Variants in OR51V1 observed in about 807,000 individuals in gnomAD.
The protein encoded by OR51V1 is olfactory receptor family 51 subfamily V member 1, also known as olfactory receptor 51V1.
A neutral mutation model predicts 16.3 loss-of-function variants in OR51V1; 16 were observed. The ratio of observed to expected loss-of-function variants is 0.98; its 90% CI spans 0.67 to 1.49. OR51V1 has a LOEUF of 1.49. Among genes scored for constraint, OR51V1 ranks in the 40% most tolerant of loss-of-function variants. The pLI, the probability that OR51V1 is intolerant of heterozygous loss-of-function variation, is 0.00. For synonymous variants in OR51V1, 189 were observed against 142.2 expected (o/e 1.33, Z -2.34); for missense variants, 469 against 380.4 (o/e 1.23, Z -1.94).
chr11:5,199,848 T>C lies in OR51V1; in HGVS notation c.835A>G (p.Ile279Val), dbSNP rs575506056. 15 of 1,614,120 alleles carry C rather than the reference T, an allele frequency of 9.3e-6. No individual in the cohort carries two copies. In the African/African-American group the frequency reaches 1.7e-4, roughly 19 times the overall value. Reference protein sequence around the residue: ...KHLSPVAHVLIGNIYILFPPL... With the variant: ...KHLSPVAHVLVGNIYILFPPL... ...GGGAAAAGGATGTAGATGTTGCCAA[T>C]GAGAACGTGGGCCACGGGGGAAAGG... The change falls in exon 1 of 1, where the codon ATT (isoleucine) becomes GTT (valine). Residue 279 changes from isoleucine (I) to valine (V), a missense_variant. Coordinates refer to ENST00000641270, the MANE Select transcript of OR51V1 (RefSeq NM_001004760.3).
rs568518358 is a variant in OR51V1, at chr11:5,200,492, T to A, written c.191A>T (p.Tyr64Phe). ...AGTGAGGGCCAGCATGGACAGGAAG[T>A]AAAACATAGGCTGGTGCAGGCTTGG... ...TEPSLHQPMFYFLSMLALTDL... is the reference protein window; with the variant it reads ...TEPSLHQPMFFFLSMLALTDL... The change falls in exon 1 of 1, where the codon TAC becomes TTC. Residue 64 changes from tyrosine to phenylalanine, a missense_variant. Transcript: ENST00000641270. The A allele has an allele frequency of 3.1e-6, 5 of 1,613,654 alleles. No individual in the cohort carries two copies. In the South Asian group the frequency reaches 5.5e-5, roughly 18 times the overall value.
At position 5,200,196 on chromosome 11, in the gene OR51V1, TGGG is replaced by T. The variant is rs573294390; in HGVS notation, c.484_486del (p.Pro162del). The T allele has an allele frequency of 3.1e-6, 5 of 1,612,634 alleles. No homozygotes were observed. The highest frequency in any genetic ancestry group is 3.3e-5 in the Admixed American group (2 of 59,964). On this transcript the variant is annotated inframe_deletion, in exon 1 of 1. Coordinates refer to ENST00000641270, the MANE Select transcript of OR51V1 (RefSeq NM_001004760.3). ...TAATTAAAAAATTTCAGACAGATGA[TGGG>T]GGGTGTAATAAAGAAAAAACTCCTA...
rs750449378 is a variant in OR51V1 at position 5,200,041 on chromosome 11, A to G, written c.642T>C (p.Ala214=). Residue 214 remains alanine (A), a synonymous_variant, in exon 1 of 1, where the codon GCT becomes GCC. Transcript: ENST00000641270. ...GGATGTAGGAGAAAAGGATGAGTAT[A>G]GCATCCAACAACAGTATGCAAATAA... ...MLVICILLLD[A]ILILFSYILI... 1.4e-5 allele frequency: 22 copies of G among 1,609,132 alleles called. No homozygotes were observed. Among genetic ancestry groups the G allele is most frequent in the East Asian group, 2.2e-5 (1 of 44,876 alleles).
chr11:5,200,412 T>C lies in OR51V1; in HGVS notation c.271A>G (p.Ile91Val), dbSNP rs775611321. The C allele has an allele frequency of 2.5e-6, 4 of 1,613,730 alleles. No individual in the cohort carries two copies. In the Middle Eastern group the frequency reaches 4.9e-4, roughly 200 times the overall value. Residue 91 changes from isoleucine (I) to valine (V), a missense_variant, in exon 1 of 1, where the codon ATC becomes GTC. Ile to Val is a conservative substitution (Grantham distance 29). Transcript: ENST00000641270. ...GAATCCAAGCTGATCTCTCGAATGA[T>C]CCCCCACAGGATCCCCAGCACTGTG... ...VYTVLGILWG[I>V]IREISLDSCI... is the part of the protein sequence containing the mutation.
Position 5,200,486 on chromosome 11 carries a change from A to T in OR51V1, c.197T>A (p.Leu66Gln). Residue 66 changes from leucine to glutamine, a missense_variant, in exon 1 of 1, where the codon CTG becomes CAG. Transcript: ENST00000641270. ...PSLHQPMFYF[L>Q]SMLALTDLCM... ...CAGGTCAGTGAGGGCCAGCATGGAC[A>T]GGAAGTAAAACATAGGCTGGTGCAG... 6.2e-7 allele frequency: 1 copy of T among 1,613,910 alleles called. No homozygotes were observed. Among genetic ancestry groups the T allele is most frequent in the African/African-American group, 1.3e-5 (1 of 74,946 alleles).
Position 5,200,620 on chromosome 11 carries a change from A to G in OR51V1, c.63T>C (p.Ser21=), listed in dbSNP as rs1031847160. The G allele has an allele frequency of 1.2e-6, 2 of 1,613,016 alleles. No homozygotes were observed. The highest frequency in any genetic ancestry group is 2.2e-5 in the East Asian group (1 of 44,878). The part of the protein sequence containing the change: ...TNSSFLLTGF[S]GMEQQYPWLS... ...GCCAGGGGTATTGCTGCTCCATGCCAGAAAATCCAGTGAGAAGAAAGGAAG... is the reference window on the plus strand; with the variant it reads ...GCCAGGGGTATTGCTGCTCCATGCCGGAAAATCCAGTGAGAAGAAAGGAAG... Residue 21 remains serine, a synonymous_variant, in exon 1 of 1, where the codon TCT becomes TCC. Coordinates refer to ENST00000641270, the MANE Select transcript of OR51V1 (RefSeq NM_001004760.3).
rs766086459 is a variant in OR51V1, at chr11:5,200,081, T to A, written c.602A>T (p.Tyr201Phe). The A allele has an allele frequency of 6.2e-7, 1 of 1,613,548 alleles. No homozygotes were observed. The highest frequency in any genetic ancestry group is 8.5e-7 in the Non-Finnish European group (1 of 1,179,504). ...TATGCAAATAACCAGCATCAGGGCA[T>A]AGTAACTATTGAATCGGATGTCTGA... is the stretch of plus-strand genomic sequence containing the variant. The part of the protein sequence containing the change: ...ACSDIRFNSY[Y>F]ALMLVICILL... The change falls in exon 1 of 1, where the codon TAT (tyrosine) becomes TTT (phenylalanine). Residue 201 changes from tyrosine (Y) to phenylalanine (F), a missense_variant. Coordinates refer to ENST00000641270, the MANE Select transcript of OR51V1 (RefSeq NM_001004760.3).
Position 5,200,357 on chromosome 11 carries a change from C to A in OR51V1, c.326G>T (p.Gly109Val). 6.2e-7 allele frequency: 1 copy of A among 1,613,802 alleles called. No individual in the cohort carries two copies. Among genetic ancestry groups the A allele is most frequent in the Non-Finnish European group, 8.5e-7 (1 of 1,179,798 alleles). Residue 109 changes from glycine to valine, a missense_variant, in exon 1 of 1, where the codon GGT (glycine) becomes GTT (valine). Physicochemically the swap from Gly to Val is moderately radical, Grantham distance 109 (BLOSUM62 -3). Transcript: ENST00000641270. The part of the protein sequence containing the change: ...SCIAQSYFIH[G>V]LSFMESSVLL... Reference sequence around the variant, plus strand: ...GACAGAGGACTCCATGAAGGACAGACCATGGATGAAATAGGACTGGGCAAT... The same window carrying A: ...GACAGAGGACTCCATGAAGGACAGAACATGGATGAAATAGGACTGGGCAAT...
At position 5,200,401 on chromosome 11, in the gene OR51V1, C is replaced by T; in HGVS notation, c.282G>A (p.Glu94=). Residue 94 remains glutamate, a synonymous_variant, in exon 1 of 1, where the codon GAG becomes GAA. Transcript: ENST00000641270. ...GGGCAATGCAGGAATCCAAGCTGATCTCTCGAATGATCCCCCACAGGATCC... is the reference window on the plus strand; with the variant it reads ...GGGCAATGCAGGAATCCAAGCTGATTTCTCGAATGATCCCCCACAGGATCC... The part of the protein sequence containing the change: ...VLGILWGIIR[E]ISLDSCIAQS... The T allele has an allele frequency of 1.2e-6, 2 of 1,613,962 alleles. No homozygotes were observed. The highest frequency in any genetic ancestry group is 1.1e-5 in the South Asian group (1 of 91,062).
rs1389008225 is a variant in OR51V1, at chr11:5,200,551, G to A, written c.132C>T (p.Gly44=). The change falls in exon 1 of 1, where the codon GGC becomes GGT. Residue 44 remains glycine, a synonymous_variant. Coordinates refer to ENST00000641270, the MANE Select transcript of OR51V1 (RefSeq NM_001004760.3). The part of the protein sequence containing the change: ...FSSIYAMVLL[G]NCMVLHVIWT... ...ATATCACATGGAGAACCATGCAATT[G>A]CCCAAAAGCACCATGGCATAGATTG... 6.2e-7 allele frequency: 1 copy of A among 1,613,672 alleles called. No individual in the cohort carries two copies. The highest frequency in any genetic ancestry group is 1.1e-5 in the South Asian group (1 of 91,070).
chr11:5,200,527 T>C lies in OR51V1; in HGVS notation c.156A>G (p.Ile52Met). 1 of 1,613,964 alleles carries C rather than the reference T, an allele frequency of 6.2e-7. No individual in the cohort carries two copies. Among genetic ancestry groups the C allele is most frequent in the Non-Finnish European group, 8.5e-7 (1 of 1,179,914 alleles). The change falls in exon 1 of 1, where the codon ATA becomes ATG. Residue 52 changes from isoleucine (I) to methionine (M), a missense_variant. Ile to Met is a conservative substitution (Grantham distance 10). Transcript: ENST00000641270. ...LLGNCMVLHV[I>M]WTEPSLHQPM... ...GCTGGTGCAGGCTTGGCTCAGTCCA[T>C]ATCACATGGAGAACCATGCAATTGC... is the stretch of plus-strand genomic sequence containing the variant.
Position 5,200,584 on chromosome 11 carries a change from G to A in OR51V1, c.99C>T (p.Pro33=), listed in dbSNP as rs191433602. 230 of 1,613,844 alleles carry A rather than the reference G, an allele frequency of 1.4e-4. No homozygotes were observed. The highest frequency in any genetic ancestry group is 1.9e-4 in the Non-Finnish European group (227 of 1,179,804). The change falls in exon 1 of 1, where the codon CCC becomes CCT. Residue 33 remains proline, a synonymous_variant. Coordinates refer to ENST00000641270, the MANE Select transcript of OR51V1 (RefSeq NM_001004760.3). ...MEQQYPWLSI[P]FSSIYAMVLL... ...GCACCATGGCATAGATTGAGGAGAAGGGGATGGAAAGCCAGGGGTATTGCT... is the reference window on the plus strand; with the variant it reads ...GCACCATGGCATAGATTGAGGAGAAAGGGATGGAAAGCCAGGGGTATTGCT...
In OR51V1 at chr11:5,199,863, C is replaced by T. The variant is rs182727082; in HGVS notation, c.820G>A (p.Val274Met). 2.0e-5 allele frequency: 32 copies of T among 1,613,852 alleles called. No homozygotes were observed. The highest frequency in any genetic ancestry group is 5.5e-5 in the South Asian group (5 of 91,064). Residue 274 changes from valine (V) to methionine (M), a missense_variant, in exon 1 of 1, where the codon GTG becomes ATG. Physicochemically the swap from Val to Met is conservative, Grantham distance 21. Transcript: ENST00000641270. Reference sequence around the variant, plus strand: ...ATGTTGCCAATGAGAACGTGGGCCACGGGGGAAAGGTGCTTGCCAAAACGG... The same window carrying T: ...ATGTTGCCAATGAGAACGTGGGCCATGGGGGAAAGGTGCTTGCCAAAACGG... ...VHRFGKHLSP[V>M]AHVLIGNIYI...
Position 5,200,520 on chromosome 11 carries a change from C to T in OR51V1, c.163G>A (p.Glu55Lys). Residue 55 changes from glutamate (E) to lysine (K), a missense_variant, in exon 1 of 1, where the codon GAG (glutamate) becomes AAG (lysine). Physicochemically the swap from Glu to Lys is moderately conservative, Grantham distance 56. Coordinates refer to ENST00000641270, the MANE Select transcript of OR51V1 (RefSeq NM_001004760.3). ...NCMVLHVIWT[E>K]PSLHQPMFYF... is the part of the protein sequence containing the mutation. ...AACATAGGCTGGTGCAGGCTTGGCT[C>T]AGTCCATATCACATGGAGAACCATG... 6.2e-7 allele frequency: 1 copy of T among 1,613,932 alleles called. No homozygotes were observed. The highest frequency in any genetic ancestry group is 2.2e-5 in the East Asian group (1 of 44,868).
chr11:5,199,832 A>C lies in OR51V1; in HGVS notation c.851T>G (p.Ile284Ser). 1.9e-6 allele frequency: 3 copies of C among 1,614,080 alleles called. No individual in the cohort carries two copies. The highest frequency in any genetic ancestry group is 2.5e-6 in the Non-Finnish European group (3 of 1,179,990). ...GGGATTCATTAAAGGTGGGAAAAGGATGTAGATGTTGCCAATGAGAACGTG... is the reference window on the plus strand; with the variant it reads ...GGGATTCATTAAAGGTGGGAAAAGGCTGTAGATGTTGCCAATGAGAACGTG... The part of the protein sequence containing the change: ...VAHVLIGNIY[I>S]LFPPLMNPII... Residue 284 changes from isoleucine to serine, a missense_variant, in exon 1 of 1, where the codon ATC becomes AGC. Physicochemically the swap from Ile to Ser is moderately radical, Grantham distance 142 (BLOSUM62 -2). Transcript: ENST00000641270.
In OR51V1 at chr11:5,200,317, G is replaced by A; in HGVS notation, c.366C>T (p.Ala122=). ...FMESSVLLTM[A]FDRYIAICNP... Reference sequence around the variant, plus strand: ...TGCAAATTGCAATGTACCGGTCAAAGGCCATAGTGAGGAGGACAGAGGACT... The same window carrying A: ...TGCAAATTGCAATGTACCGGTCAAAAGCCATAGTGAGGAGGACAGAGGACT... The change falls in exon 1 of 1, where the codon GCC becomes GCT. Residue 122 remains alanine, a synonymous_variant. Transcript: ENST00000641270. 6.2e-7 allele frequency: 1 copy of A among 1,613,988 alleles called. No homozygotes were observed. Among genetic ancestry groups the A allele is most frequent in the Non-Finnish European group, 8.5e-7 (1 of 1,179,940 alleles).
chr11:5,199,771 G>A lies in OR51V1; in HGVS notation c.912C>T (p.Thr304=), dbSNP rs201009501. Reference sequence around the variant, plus strand: ...TCAGAGAAAAGAGTCTAAGCATTCTGGTATGAATCTGTTGGGTCTTGACAC... The same window carrying A: ...TCAGAGAAAAGAGTCTAAGCATTCTAGTATGAATCTGTTGGGTCTTGACAC... ...IYSVKTQQIH[T]RMLRLFSLKR... is the part of the protein sequence containing the mutation. The change falls in exon 1 of 1, where the codon ACC becomes ACT. Residue 304 remains threonine (T), a synonymous_variant. Transcript: ENST00000641270. The A allele has an allele frequency of 7.4e-6, 12 of 1,611,428 alleles. No individual in the cohort carries two copies. In the African/African-American group the frequency reaches 1.3e-4, roughly 18 times the overall value.
At position 5,199,742 on chromosome 11, in the gene OR51V1, C is replaced by A. The variant is rs779888708; in HGVS notation, c.941G>T (p.Arg314Ile). The change falls in exon 1 of 1, where the codon AGA becomes ATA. Residue 314 changes from arginine (R) to isoleucine (I), a missense_variant. Coordinates refer to ENST00000641270, the MANE Select transcript of OR51V1 (RefSeq NM_001004760.3). Reference protein sequence around the residue: ...TRMLRLFSLKRY With the variant: ...TRMLRLFSLKIY ...AATACATCTCAATATCTCTCAATATCTTTTCAGAGAAAAGAGTCTAAGCAT... is the reference window on the plus strand; with the variant it reads ...AATACATCTCAATATCTCTCAATATATTTTCAGAGAAAAGAGTCTAAGCAT... The A allele has an allele frequency of 6.3e-7, 1 of 1,589,338 alleles. No individual in the cohort carries two copies.
At position 5,200,073 on chromosome 11, in the gene OR51V1, T is replaced by C. The variant is rs1847190171; in HGVS notation, c.610A>G (p.Met204Val). 3 of 1,613,372 alleles carry C rather than the reference T, an allele frequency of 1.9e-6. No individual in the cohort carries two copies. Among genetic ancestry groups the C allele is most frequent in the African/African-American group, 2.7e-5 (2 of 74,998 alleles). Residue 204 changes from methionine to valine, a missense_variant, in exon 1 of 1, where the codon ATG (methionine) becomes GTG (valine). Transcript: ENST00000641270. ...DIRFNSYYALMLVICILLLDA... is the reference protein window; with the variant it reads ...DIRFNSYYALVLVICILLLDA... ...AACAACAGTATGCAAATAACCAGCA[T>C]CAGGGCATAGTAACTATTGAATCGG...
Sources: gnomAD v4.1 joint callset for allele counts on GRCh38, gnomAD v4.1.1 for gene constraint, MANE v1.5 for transcripts, NCBI Gene and HGNC (gene_info 2026-07-23, HGNC 2026-07-21) for gene names.